Variants in UVRAG observed in about 807,000 individuals in gnomAD.
UVRAG encodes the protein UV radiation resistance associated.
Under a neutral mutation model 78.0 loss-of-function variants are expected in UVRAG, and 19 were observed. The ratio of observed to expected loss-of-function variants is 0.24; its 90% CI spans 0.17 to 0.36. The LOEUF is 0.36. UVRAG is among the 10% of genes least tolerant of loss of function. The probability of loss-of-function intolerance (pLI) is 1.00; values close to 1 mark genes in which losing one functional copy is unlikely to be tolerated. For missense variants in UVRAG, 740 were observed against 853.8 expected (o/e 0.87, Z 1.66); for synonymous variants, 323 against 324.6 (o/e 1.00, Z 0.05).
At chr11:76,044,755 C>T (rs376614755) in intron 12 of UVRAG, among the ~76,000 whole-genome samples, 6 of 151,674 alleles carry the variant, frequency 4.0e-5, no homozygotes, top group African/African-American at 7.3e-5. Flanking sequence ...GCCTAGGCTA[C>T]GGAGCGAGAC....
intron 14 of UVRAG, among the ~76,000 whole-genome samples, chr11:76,118,324 G>C (rs998471201): frequency 1.3e-5 from 2 of 152,160 alleles, no homozygotes; most frequent in Non-Finnish European, 2.9e-5. Flanking sequence ...TGGATTTTTT[G>C]TGTATACAAT....
intron 4 of UVRAG, among the ~76,000 whole-genome samples, chr11:75,883,307 T>G (rs765340475): frequency 4.6e-5 from 7 of 151,258 alleles, no homozygotes; most frequent in Non-Finnish European, 8.8e-5. Context: ...CCAGCCCTAC[T>G]TTCAGAGAGT....
intron 1 of UVRAG, among the ~76,000 whole-genome samples, chr11:75,844,297 G>A (rs1385185793): frequency 4.6e-5 from 7 of 150,900 alleles, no homozygotes; most frequent in Admixed American, 3.3e-4. Flanking sequence ...GCACTATCTC[G>A]GCTCACTGCA....
At chr11:75,993,329 C>T (rs1292740722) in intron 8 of UVRAG, among the ~76,000 whole-genome samples, 1 of 152,212 alleles carries the variant, frequency 6.6e-6, no homozygotes, top group Non-Finnish European at 1.5e-5. Context: ...ACTTCACACT[C>T]ATACGTTTTC....
At chr11:76,077,264 C>G (rs1179343786) in intron 13 of UVRAG, among the ~76,000 whole-genome samples, 1 of 151,410 alleles carries the variant, frequency 6.6e-6, no homozygotes, top group Non-Finnish European at 1.5e-5. Flanking sequence ...TCCAAAAGTT[C>G]TATTCTGTGT....
At chr11:75,953,627 AT>A (rs1200912503) in intron 6 of UVRAG, among the ~76,000 whole-genome samples, 1 of 152,158 alleles carries the variant, frequency 6.6e-6, no homozygotes, top group Non-Finnish European at 1.5e-5. Context: ...CAGTGAGATT[AT>A]TTTTAATATC....
intron 5 of UVRAG, among the ~76,000 whole-genome samples, chr11:75,900,783 T>G (rs960646298): frequency 1.3e-5 from 2 of 152,242 alleles, no homozygotes; most frequent in African/African-American, 2.4e-5. Flanking sequence ...AAAAACATCT[T>G]CATCTCTGTT....
At chr11:76,077,267 T>C (rs745693786) in intron 13 of UVRAG, among the ~76,000 whole-genome samples, 5 of 151,766 alleles carry the variant, frequency 3.3e-5, no homozygotes, top group Non-Finnish European at 4.4e-5. Flanking sequence ...AAAAGTTCTA[T>C]TCTGTGTTTA....
In UVRAG at chr11:76,141,608, A is replaced by C; in HGVS notation, c.*195A>C. 1 of 653,336 alleles carries C rather than the reference A, an allele frequency of 1.5e-6. No homozygotes were observed. Among genetic ancestry groups the C allele is most frequent in the East Asian group, 2.8e-5 (1 of 35,178 alleles). 40.5% of individuals were successfully genotyped at this position (653,336 alleles called of 1,614,324 possible). ...TGGGCCAAAGTTAGATTTTGCTTTC[A>C]AGATTTGCTTTTCGGGCCTGATGAT... On this transcript the variant is annotated 3_prime_UTR_variant, in exon 15 of 15. Coordinates refer to ENST00000356136, the MANE Select transcript of UVRAG (RefSeq NM_003369.4).
chr11:76,127,773 AT>A (rs1952436306), intron 14 of UVRAG, among the ~76,000 whole-genome samples: 1 of 152,092 alleles, frequency 6.6e-6, no homozygotes, highest in South Asian at 2.1e-4. Context: ...CCTGACCAAC[AT>A]GGTGAAACCC....
chr11:75,837,326 CAAA>C (rs753820781), intron 1 of UVRAG, among the ~76,000 whole-genome samples: 21 of 64,426 alleles, frequency 3.3e-4, no homozygotes, highest in South Asian at 5.1e-4. Flanking sequence ...GACTCTGTCT[CAAA>C]AAAAAAAAAA....
At chr11:76,129,042 G>A (rs1353559097) in intron 14 of UVRAG, among the ~76,000 whole-genome samples, 2 of 152,096 alleles carry the variant, frequency 1.3e-5, no homozygotes, top group Non-Finnish European at 2.9e-5. Flanking sequence ...TTTGAACATA[G>A]TATTCAGTTA....
intron 9 of UVRAG, among the ~76,000 whole-genome samples, chr11:76,005,902 G>A (rs1018750725): frequency 6.6e-6 from 1 of 152,172 alleles, no homozygotes; most frequent in Non-Finnish European, 1.5e-5. Flanking sequence ...GTATGGGGGA[G>A]GGAGCATGGA....
intron 1 of UVRAG, among the ~76,000 whole-genome samples, chr11:75,849,141 G>T (rs1236943203): frequency 2.0e-5 from 3 of 152,086 alleles, no homozygotes; most frequent in African/African-American, 7.2e-5. Context: ...TGGCGCCATT[G>T]CACTCCAGCC....
chr11:76,080,048 T>C (rs1464256141), intron 13 of UVRAG, among the ~76,000 whole-genome samples: 3 of 151,980 alleles, frequency 2.0e-5, no homozygotes, highest in African/African-American at 7.3e-5. Context: ...GAGAGGAAAA[T>C]TGGACTGAAT....
intron 13 of UVRAG, among the ~76,000 whole-genome samples, chr11:76,081,781 C>T (rs1051085559): frequency 3.9e-5 from 6 of 151,966 alleles, no homozygotes; most frequent in African/African-American, 1.5e-4. Flanking sequence ...CACCACTATT[C>T]ATAATAGCTG....
chr11:75,850,980 TC>T (rs1217156942), intron 1 of UVRAG, among the ~76,000 whole-genome samples: 1 of 152,200 alleles, frequency 6.6e-6, no homozygotes, highest in Non-Finnish European at 1.5e-5. Flanking sequence ...TGGACTTACC[TC>T]AGGAGAGTGA....
At chr11:75,929,559 G>A (rs1948188457) in intron 6 of UVRAG, among the ~76,000 whole-genome samples, 2 of 152,190 alleles carry the variant, frequency 1.3e-5, no homozygotes, top group South Asian at 2.1e-4. Context: ...GCCTCAGCGT[G>A]CTCAGTCATA....
intron 6 of UVRAG, among the ~76,000 whole-genome samples, chr11:75,924,140 G>C (rs1346342833): frequency 4.6e-5 from 7 of 152,148 alleles, no homozygotes; most frequent in Non-Finnish European, 1.0e-4. Flanking sequence ...GCAAATATTT[G>C]TTAAATGAAT....
Sources: allele counts gnomAD v4.1 joint callset (sites outside exome capture counted in the v4.1 genomes callset), GRCh38; gene constraint gnomAD v4.1.1; transcripts MANE v1.5; gene names NCBI Gene and HGNC (gene_info 2026-07-23, HGNC 2026-07-21).